The following IL1RAP variants were observed in gnomAD, a reference collection of about 807,000 sequenced individuals.
IL1RAP encodes the protein interleukin-1 receptor accessory protein.
In IL1RAP, 35 loss-of-function variants were observed where a neutral mutation model predicts 60.7. The ratio of observed to expected loss-of-function variants is 0.58; its 90% CI spans 0.44 to 0.76. The LOEUF is 0.76. Among genes scored for constraint, IL1RAP ranks in the 30% least tolerant of loss-of-function variants. IL1RAP has a pLI of 0.00. For synonymous variants in IL1RAP, 268 were observed against 250.9 expected, an observed-to-expected ratio of 1.07 and a Z score of -0.64; for missense variants, 572 against 693.9, an observed-to-expected ratio of 0.82 and a Z score of 1.97.
Position 190,649,001 on chromosome 3 carries a change from G to A in IL1RAP, c.*296G>A. The stretch of plus-strand genomic sequence containing the variant: ...ACATTGTCTATCCCTGTTTTTATAT[G>A]TCTCCATTCTTTTTAAAATCTTAAC... On this transcript the variant is annotated 3_prime_UTR_variant, in exon 12 of 12. Coordinates refer to ENST00000447382, the MANE Select transcript of IL1RAP (RefSeq NM_002182.4). 9.3e-7 allele frequency: 1 copy of A among 1,069,712 alleles called. No individual in the cohort carries two copies. The highest frequency in any genetic ancestry group is 1.1e-6 in the Non-Finnish European group (1 of 884,846). 66.3% of individuals were successfully genotyped at this position (1,069,712 alleles called of 1,614,324 possible).
intron 11 of IL1RAP, 144 bp from the exon 12 acceptor site, chr3:190,648,194 A>C: frequency 1.0e-6 from 1 of 989,450 alleles, no homozygotes; most frequent in Non-Finnish European, 1.5e-6. Flanking sequence ...TATAAGGATT[A>C]AGTTGTTCAC....
At chr3:190,609,236 G>C (rs556881036) in intron 5 of IL1RAP, 55 bp downstream of exon 5, 3 of 1,202,774 alleles carry the variant, frequency 2.5e-6, no homozygotes, top group African/African-American at 3.1e-5. Flanking sequence ...AAATGATAAT[G>C]CTTATTTGCT....
At chr3:190,575,552 C>T (rs1727365602) in intron 3 of IL1RAP, among the ~76,000 whole-genome samples, 1 of 152,144 alleles carries the variant, frequency 6.6e-6, no homozygotes, top group Non-Finnish European at 1.5e-5. Flanking sequence ...TGAGAAAGAG[C>T]CACCTTCAAA....
rs545822879 is a variant in IL1RAP, at chr3:190,623,897, G to A, written c.775+482G>A. Among the ~76,000 whole-genome samples the A allele has an allele frequency of 2.0e-5, 3 of 152,268 alleles. No homozygotes were observed. The East Asian group carries it at 5.8e-4, about 29-fold the overall frequency. Reference sequence around the variant, plus strand: ...CTGTGGCTCTTCGGTTCTTCTTTTAGTTTCCATAATTTTTCATTATAGCCA... The same window carrying A: ...CTGTGGCTCTTCGGTTCTTCTTTTAATTTCCATAATTTTTCATTATAGCCA... On this transcript the variant is annotated intron_variant, in intron 7 of 11. Transcript: ENST00000447382.
chr3:190,542,024 T>A (rs749296803), intron 1 of IL1RAP, among the ~76,000 whole-genome samples: 22 of 152,154 alleles, frequency 1.4e-4, no homozygotes, highest in Non-Finnish European at 2.6e-4. Flanking sequence ...GTCTGTGCAG[T>A]TCCCCAGAAA....
At chr3:190,529,870 A>G (rs1039157387) in intron 1 of IL1RAP, among the ~76,000 whole-genome samples, 2 of 151,526 alleles carry the variant, frequency 1.3e-5, no homozygotes, top group East Asian at 1.9e-4. Context: ...AAAAAAAAAA[A>G]AAAAGAAAAG....
At chr3:190,656,611 C>T in exon 12 of IL1RAP, 1 of 1,480,796 alleles carries the variant, frequency 6.8e-7, no homozygotes, top group African/African-American at 1.4e-5. Flanking sequence ...CCTATAATTA[C>T]TGTGTGTGGT....
At chr3:190,598,433 G>A (rs866353660) in intron 3 of IL1RAP, among the ~76,000 whole-genome samples, 4 of 151,888 alleles carry the variant, frequency 2.6e-5, no homozygotes, top group Non-Finnish European at 5.9e-5. Context: ...CTAACAGAAA[G>A]TAGTTATGAT....
chr3:190,524,103 T>C (rs1437602428), intron 1 of IL1RAP, among the ~76,000 whole-genome samples: 2 of 152,212 alleles, frequency 1.3e-5, no homozygotes, highest in Non-Finnish European at 1.5e-5. Context: ...TGATTTGAAT[T>C]TCTCTAATGA....
chr3:190,532,710 G>A (rs9878463), intron 1 of IL1RAP, among the ~76,000 whole-genome samples: 8,712 of 152,204 alleles, frequency 0.057, 296 homozygotes, highest in East Asian at 0.11. Context: ...GTGCTGAGGC[G>A]TGCCGTGCAT....
chr3:190,525,339 C>T (rs1466121995), intron 1 of IL1RAP, among the ~76,000 whole-genome samples: 1 of 152,082 alleles, frequency 6.6e-6, no homozygotes, highest in South Asian at 2.1e-4. Flanking sequence ...CTGAGAAGGA[C>T]CCACGATAGG....
chr3:190,629,820 G>T, intron 9 of IL1RAP: 1 of 1,022,408 alleles, frequency 9.8e-7, no homozygotes, highest in Non-Finnish European at 1.2e-6. Flanking sequence ...ACCAAAGATA[G>T]AAAAAACTGG....
At chr3:190,630,396 ACATGAAAT>A (rs72383929) in intron 9 of IL1RAP, 138,432 of 154,400 alleles carry the variant, frequency 0.9, 62,333 homozygotes, top group East Asian at 1. Context: ...GAGTTATCAC[ACATGAAAT>A]CATGAAATCA....
intron 1 of IL1RAP, among the ~76,000 whole-genome samples, chr3:190,529,264 C>T (rs376260894): frequency 6.6e-6 from 1 of 152,094 alleles, no homozygotes; most frequent in Admixed American, 6.5e-5. Flanking sequence ...GGCAGCCAGG[C>T]GCAGTGGCTC....
intron 4 of IL1RAP, among the ~76,000 whole-genome samples, chr3:190,605,493 G>A (rs1359352021): frequency 6.6e-6 from 1 of 152,062 alleles, no homozygotes; most frequent in African/African-American, 2.4e-5. Flanking sequence ...TCCCATCCGG[G>A]TTATTTTTTT....
At chr3:190,552,142 A>G (rs1212132167) in intron 1 of IL1RAP, among the ~76,000 whole-genome samples, 4 of 152,232 alleles carry the variant, frequency 2.6e-5, no homozygotes, top group Non-Finnish European at 4.4e-5. Context: ...CCTGATAAGT[A>G]TGTAAGAAGT....
chr3:190,562,626 G>A (rs917386243), intron 2 of IL1RAP, among the ~76,000 whole-genome samples: 1 of 151,660 alleles, frequency 6.6e-6, no homozygotes, highest in South Asian at 2.1e-4. Flanking sequence ...ATCCTTGAGG[G>A]GACGGATATT....
At chr3:190,564,107 A>G in intron 2 of IL1RAP, 182 bp from the exon 3 acceptor site, 1 of 568,256 alleles carries the variant, frequency 1.8e-6, no homozygotes. Context: ...ACAAACAACA[A>G]AAAAACAGAA....
chr3:190,655,752 G>GTCGC, downstream of IL1RAP: 1 of 669,446 alleles, frequency 1.5e-6, no homozygotes, highest in South Asian at 2.0e-5. Context: ...TTTTTTGACT[G>GTCGC]GGTAAATTAT....
Sources: allele counts gnomAD v4.1 joint callset (sites outside exome capture counted in the v4.1 genomes callset), GRCh38; gene constraint gnomAD v4.1.1; transcripts MANE v1.5; gene names NCBI Gene and HGNC (gene_info 2026-07-23, HGNC 2026-07-21).